Variants in PDZK1IP1 observed in about 807,000 individuals in gnomAD.
The protein encoded by PDZK1IP1 is PDZK1-interacting protein 1.
Under a neutral mutation model 14.7 loss-of-function variants are expected in PDZK1IP1, and 9 were observed. The ratio of observed to expected loss-of-function variants is 0.61; its 90% CI spans 0.37 to 1.07. The LOEUF (loss-of-function observed/expected upper bound fraction) is 1.07, where lower values mean the gene tolerates loss of function less well. Ranked by LOEUF, PDZK1IP1 falls within the 50% of genes least tolerant of loss-of-function variation. PDZK1IP1 has a pLI of 0.01. For synonymous variants in PDZK1IP1, 70 were observed against 61.2 expected (o/e 1.14, Z -0.67); for missense variants, 152 against 148.7 (o/e 1.02, Z -0.11).
rs749864358 is a variant in PDZK1IP1, at chr1:47,187,311, GCACT to G, written c.176+4_176+7del. On this transcript the variant is annotated splice_donor_5th_base_variant and intron_variant, in intron 2 of 3. Transcript: ENST00000294338. Reference sequence around the variant, plus strand: ...CTGCCTGCTCAGGGACCCTTGGGCAGCACTCACGGCTCCTCCTGGCACCAGAAGT... The same window carrying G: ...CTGCCTGCTCAGGGACCCTTGGGCAGCACGGCTCCTCCTGGCACCAGAAGT... 6 of 1,603,458 alleles carry G rather than the reference GCACT, an allele frequency of 3.7e-6. No individual in the cohort carries two copies. The highest frequency in any genetic ancestry group is 1.7e-5 in the Admixed American group (1 of 59,964).
intron 3 of PDZK1IP1, among the ~76,000 whole-genome samples, chr1:47,184,518 TC>T (rs1645306066): frequency 1.5e-4 from 2 of 13,184 alleles, no homozygotes; most frequent in African/African-American, 7.1e-4. Flanking sequence ...ACTGAATCCA[TC>T]CCCCACTGAG....
chr1:47,184,707 G>C (rs934230725), intron 3 of PDZK1IP1, among the ~76,000 whole-genome samples: 1 of 145,728 alleles, frequency 6.9e-6, no homozygotes, highest in African/African-American at 2.6e-5. Context: ...TCACTCATTT[G>C]TTCCTTCCTC....
intron 1 of PDZK1IP1, 68 bp from the exon 2 acceptor site, chr1:47,187,495 G>C: frequency 1.6e-6 from 2 of 1,273,352 alleles, no homozygotes; most frequent in Non-Finnish European, 1.1e-6. Context: ...AGAGCGAGGG[G>C]CCTCACTCTT....
chr1:47,183,889 AAAG>A lies in PDZK1IP1; in HGVS notation c.*79_*81del. The stretch of plus-strand genomic sequence containing the variant: ...CAGCCCACTATTGCAGATTCCACAC[AAAG>A]AAGGAGGGGGCTTGGGTGGTAGCAC... On this transcript the variant is annotated 3_prime_UTR_variant, in exon 4 of 4. Transcript: ENST00000294338. The A allele has an allele frequency of 8.2e-7, 1 of 1,214,354 alleles. No individual in the cohort carries two copies. Among genetic ancestry groups the A allele is most frequent in the African/African-American group, 1.5e-5 (1 of 66,786 alleles). The allele number at this position is 1,214,354 out of a possible 1,614,324, so 75.2% of individuals were successfully genotyped here. A position where few individuals can be genotyped will look rare whatever the true frequency, so the allele number is the denominator to read the frequency against.
At position 47,184,041 on chromosome 1, in the gene PDZK1IP1, G is replaced by T; in HGVS notation, c.275C>A (p.Ser92Tyr). Residue 92 changes from serine (S) to tyrosine (Y), a missense_variant and splice_region_variant, in exon 4 of 4, where the codon TCC (serine) becomes TAC (tyrosine). By Grantham distance (144) the Ser-to-Tyr change is moderately radical. Transcript: ENST00000294338. Reference sequence around the variant, plus strand: ...CTCATAGGCATTCTCATGCTCACTGGACCTGAAAGAAGAAGGCATGGGCCT... The same window carrying T: ...CTCATAGGCATTCTCATGCTCACTGTACCTGAAAGAAGAAGGCATGGGCCT... ...RYSSMAASFR[S>Y]SEHENAYENV... 6.3e-7 allele frequency: 1 copy of T among 1,587,060 alleles called. No individual in the cohort carries two copies.
Position 47,187,320 on chromosome 1 carries a change from G to C in PDZK1IP1, c.175C>G (p.Pro59Ala). The change falls in exon 2 of 4, where the codon CCG becomes GCG. Residue 59 changes from proline to alanine, a missense_variant and splice_region_variant. Coordinates refer to ENST00000294338, the MANE Select transcript of PDZK1IP1 (RefSeq NM_005764.4). ...AVNHFWCQEE[P>A]EPAHMILTVG... ...CAGGGACCCTTGGGCAGCACTCACGGCTCCTCCTGGCACCAGAAGTGGTTG... is the reference window on the plus strand; with the variant it reads ...CAGGGACCCTTGGGCAGCACTCACGCCTCCTCCTGGCACCAGAAGTGGTTG... 6.2e-7 allele frequency: 1 copy of C among 1,610,872 alleles called. No homozygotes were observed. Among genetic ancestry groups the C allele is most frequent in the Non-Finnish European group, 8.5e-7 (1 of 1,178,218 alleles).
intron 3 of PDZK1IP1, 103 bp downstream of exon 3, chr1:47,184,899 T>C: frequency 2.3e-6 from 2 of 888,646 alleles, no homozygotes; most frequent in East Asian, 2.5e-5. Flanking sequence ...TTTGCCCACA[T>C]GAGTCTCCGT....
intron 1 of PDZK1IP1, 145 bp from the exon 2 acceptor site, chr1:47,187,572 C>A: frequency 1.5e-6 from 1 of 666,920 alleles, no homozygotes; most frequent in Admixed American, 2.4e-5. Context: ...TGTGGGGAGG[C>A]AGGGGTGGGA....
At chr1:47,188,021 G>A (rs1301148133) in intron 1 of PDZK1IP1, among the ~76,000 whole-genome samples, 1 of 152,206 alleles carries the variant, frequency 6.6e-6, no homozygotes, top group Non-Finnish European at 1.5e-5. Context: ...GACATCTTTA[G>A]AAGGGCAGAA....
chr1:47,183,714 T>C lies in PDZK1IP1; in HGVS notation c.*257A>G. The C allele has an allele frequency of 1.8e-6, 1 of 542,362 alleles. No individual in the cohort carries two copies. The highest frequency in any genetic ancestry group is 3.3e-6 in the Non-Finnish European group (1 of 304,780). 33.6% of individuals were successfully genotyped at this position (542,362 alleles called of 1,614,324 possible). ...GACGTGTGAGCAGGATGGGAGGTGC[T>C]CAGCTGACTGTCCTCTCCAGAAGGC... On this transcript the variant is annotated 3_prime_UTR_variant, in exon 4 of 4. Coordinates refer to ENST00000294338, the MANE Select transcript of PDZK1IP1 (RefSeq NM_005764.4).
At position 47,184,009 on chromosome 1, in the gene PDZK1IP1, G is replaced by A. The variant is rs146814645; in HGVS notation, c.307C>T (p.Pro103Ser). Residue 103 changes from proline to serine, a missense_variant, in exon 4 of 4, where the codon CCC (proline) becomes TCC (serine). Transcript: ENST00000294338. ...SEHENAYENVPEEEGKVRSTP... is the reference protein window; with the variant it reads ...SEHENAYENVSEEEGKVRSTP... ...CTGCGGACCTTGCCTTCCTCCTCGG[G>A]CACATTCTCATAGGCATTCTCATGC... is the stretch of plus-strand genomic sequence containing the variant. 20 of 1,597,270 alleles carry A rather than the reference G, an allele frequency of 1.3e-5. No individual in the cohort carries two copies. The highest frequency in any genetic ancestry group is 1.5e-5 in the Non-Finnish European group (18 of 1,171,092).
chr1:47,185,352 C>A, intron 2 of PDZK1IP1: 1 of 456,466 alleles, frequency 2.2e-6, no homozygotes, highest in South Asian at 2.2e-5. Flanking sequence ...TCCCAGACGC[C>A]CTCAGTTCAG....
intron 1 of PDZK1IP1, 29 bp from the exon 2 acceptor site, chr1:47,187,456 C>T (rs776053687): frequency 2.9e-5 from 46 of 1,570,096 alleles, no homozygotes; most frequent in South Asian, 3.3e-5. Context: ...CTGTAGCAGA[C>T]GGGGCCACAG....
intron 2 of PDZK1IP1, 79 bp downstream of exon 2, chr1:47,187,240 C>T: frequency 1.0e-6 from 1 of 954,322 alleles, no homozygotes; most frequent in Non-Finnish European, 1.7e-6. Context: ...GTTTCTGAGG[C>T]CCTTCTCACT....
chr1:47,185,241 G>T (rs1645312196), intron 2 of PDZK1IP1, 144 bp from the exon 3 acceptor site: 1 of 655,892 alleles, frequency 1.5e-6, no homozygotes. Flanking sequence ...GTCAGCCGCG[G>T]CTACTGGCCC....
In PDZK1IP1 at chr1:47,187,534, C is replaced by T. The variant is rs116299205; in HGVS notation, c.68-107G>A. On this transcript the variant is annotated intron_variant, in intron 1 of 3. Coordinates refer to ENST00000294338, the MANE Select transcript of PDZK1IP1 (RefSeq NM_005764.4). ...GGACCCCACCTATGCTGAAGGCCCT[C>T]AGCCAGCTGCCAGGAGCAAGGAGAC... 6.2e-3 allele frequency: 5,185 copies of T among 835,304 alleles called. 178 individuals are homozygous for T. In the African/African-American group the frequency reaches 0.076, roughly 12 times the overall value. The allele number at this position is 835,304 out of a possible 1,614,324, so 51.7% of individuals were successfully genotyped here.
In PDZK1IP1 at chr1:47,189,845, A is replaced by G. The variant is rs372721135; in HGVS notation, c.67+21T>C. 3 of 1,576,264 alleles carry G rather than the reference A, an allele frequency of 1.9e-6. No individual in the cohort carries two copies. The East Asian group carries it at 6.8e-5, about 36-fold the overall frequency. The stretch of plus-strand genomic sequence containing the variant: ...GTCCACCCCTGGGTCTCCCGTGCCC[A>G]GCCCTCTCCTCCTGAGCTACCTTGC... On this transcript the variant is annotated intron_variant, in intron 1 of 3. Transcript: ENST00000294338.
chr1:47,184,082 C>G (rs574186049), intron 3 of PDZK1IP1, 39 bp from the exon 4 acceptor site: 1 of 1,462,040 alleles, frequency 6.8e-7, no homozygotes, highest in African/African-American at 1.4e-5. Context: ...GTCATCGCTC[C>G]TCCCATTCTA....
At chr1:47,187,462 C>T (rs1024248149) in intron 1 of PDZK1IP1, 35 bp from the exon 2 acceptor site, 1 of 1,531,676 alleles carries the variant, frequency 6.5e-7, no homozygotes, top group Non-Finnish European at 9.0e-7. Flanking sequence ...CAGACGGGGC[C>T]ACAGTGGGGC....
Sources: gnomAD v4.1 joint callset for allele counts (sites outside exome capture counted in the v4.1 genomes callset) on GRCh38, gnomAD v4.1.1 for gene constraint, MANE v1.5 for transcripts, NCBI Gene and HGNC (gene_info 2026-07-23, HGNC 2026-07-21) for gene names.